Variants in TCF3 observed in about 807,000 individuals in gnomAD.
TCF3 encodes transcription factor E2-alpha.
A neutral mutation model predicts 72.3 loss-of-function variants in TCF3; 54 were observed. The ratio of observed to expected loss-of-function variants is 0.75; its 90% confidence interval spans 0.60 to 0.94. The LOEUF is 0.94. TCF3 is among the 40% of genes least tolerant of loss of function. The pLI, the probability that TCF3 is intolerant of heterozygous loss-of-function variation, is 0.00. For missense variants in TCF3, 1,078 were observed against 934.4 expected, an observed-to-expected ratio of 1.15 and a Z score of -2.00; for synonymous variants, 525 against 412.6, an observed-to-expected ratio of 1.27 and a Z score of -3.30.
In TCF3 at chr19:1,632,315, C is replaced by T; in HGVS notation, c.219+17G>A. On this transcript the variant is annotated intron_variant, in intron 4 of 18. Transcript: ENST00000262965. ...GGACAGGAAACTCAGGGTCTCAGGC[C>T]TCACGGGGACTCCTACCCGGCTGGG... The T allele has an allele frequency of 6.4e-7, 1 of 1,574,208 alleles. No homozygotes were observed. Among genetic ancestry groups the T allele is most frequent in the Non-Finnish European group, 8.6e-7 (1 of 1,159,568 alleles).
At position 1,615,670 on chromosome 19, in the gene TCF3, A is replaced by AGG. The variant is rs2061482925; in HGVS notation, c.1586+14_1586+15dup. The AGG allele has an allele frequency of 9.1e-7, 1 of 1,096,108 alleles. No individual in the cohort carries two copies. Among genetic ancestry groups the AGG allele is most frequent in the Non-Finnish European group, 1.3e-6 (1 of 779,642 alleles). 67.9% of individuals were successfully genotyped at this position (1,096,108 alleles called of 1,614,324 possible). On this transcript the variant is annotated intron_variant, in intron 17 of 18. Coordinates refer to ENST00000262965, the MANE Select transcript of TCF3 (RefSeq NM_003200.5). This position sits in a 1 kb window ranked among gnomAD's most constrained non-coding sequence, Gnocchi z 7.3. ...GATGGGGTGAGGGTGGGGAGTGCCG[A>AGG]GGGGTGGGTTGGCACCTGGTCCGGG...
At chr19:1,627,840 A>G (rs1292309343) in intron 5 of TCF3, among the ~76,000 whole-genome samples, 5 of 42,158 alleles carry the variant, frequency 1.2e-4, no homozygotes, top group African/African-American at 4.5e-4. Context: ...AGCAGAGCTC[A>G]CAGGGGGTGA....
rs796348718 is a variant in TCF3 at position 1,639,912 on chromosome 19, G to A, written c.145+6443C>T. Reference sequence around the variant, plus strand: ...AGCAAAAGGGGCCTGTGATCTGAAAGTCACCAAAAACTTTAGAAAGAGAAG... The same window carrying A: ...AGCAAAAGGGGCCTGTGATCTGAAAATCACCAAAAACTTTAGAAAGAGAAG... On this transcript the variant is annotated intron_variant, in intron 3 of 18. Transcript: ENST00000262965. Among the ~76,000 whole-genome samples the A allele has an allele frequency of 3.3e-5, 5 of 152,208 alleles. No individual in the cohort carries two copies. The South Asian group carries it at 1.0e-3, about 32-fold the overall frequency.
chr19:1,624,496 G>A (rs187721632), intron 7 of TCF3, among the ~76,000 whole-genome samples: 5 of 152,308 alleles, frequency 3.3e-5, no homozygotes, highest in Admixed American at 2.6e-4. Context: ...CCCGCGACGC[G>A]CAGTTTGGAA....
chr19:1,630,939 C>T (rs2063638759), intron 5 of TCF3, among the ~76,000 whole-genome samples: 1 of 152,364 alleles, frequency 6.6e-6, no homozygotes, highest in Admixed American at 6.5e-5. Flanking sequence ...GGGACACTGT[C>T]CCAGTCGCAG....
At position 1,615,660 on chromosome 19, in the gene TCF3, G is replaced by C; in HGVS notation, c.1586+26C>G. ...TGTGCGTCCTGATGGGGTGAGGGTG[G>C]GGAGTGCCGAGGGGTGGGTTGGCAC... On this transcript the variant is annotated intron_variant, in intron 17 of 18. Transcript: ENST00000262965. The surrounding 1 kb of genome is among the most constrained non-coding windows in gnomAD (Gnocchi z 7.3). 6.2e-7 allele frequency: 1 copy of C among 1,613,186 alleles called. No individual in the cohort carries two copies. The highest frequency in any genetic ancestry group is 8.5e-7 in the Non-Finnish European group (1 of 1,179,722).
intron 3 of TCF3, among the ~76,000 whole-genome samples, chr19:1,633,677 G>A (rs1176494499): frequency 6.6e-6 from 1 of 152,160 alleles, no homozygotes. Flanking sequence ...ATGTGATTAT[G>A]AGTGGGGGGC....
rs554439572 is a variant in TCF3, at chr19:1,611,373, G to GA, written c.*333dup. 0.024 allele frequency: 8,341 copies of GA among 344,710 alleles called. 18 individuals are homozygous for GA. Among genetic ancestry groups the GA allele is most frequent in the East Asian group, 0.047 (1,128 of 23,976 alleles). The allele number at this position is 344,710 out of a possible 1,614,324, so 21.4% of individuals were successfully genotyped here. A position where few individuals can be genotyped will look rare whatever the true frequency, so the allele number is the denominator to read the frequency against. ...GCTTGCTTTCAGGTTTTGTTTACTG[G>GA]AAAAAAAAAAAATGCTCCTGTCAGC... On this transcript the variant is annotated 3_prime_UTR_variant, in exon 19 of 19. Transcript: ENST00000262965.
At chr19:1,618,090 T>C (rs2061737395) in intron 16 of TCF3, among the ~76,000 whole-genome samples, 1 of 152,034 alleles carries the variant, frequency 6.6e-6, no homozygotes, top group African/African-American at 2.4e-5. Context: ...TCTGAGACAC[T>C]CAACAATCCC....
At chr19:1,627,227 G>T in intron 6 of TCF3, 132 bp downstream of exon 6, 2 of 176,654 alleles carry the variant, frequency 1.1e-5, no homozygotes, top group Non-Finnish European at 2.2e-5. Flanking sequence ...CCTGGCCCAA[G>T]CCCAGCCTGG....
chr19:1,652,552 T>C lies in TCF3; in HGVS notation c.-292A>G, dbSNP rs1233285161. Reference sequence around the variant, plus strand: ...CCGCGGTGCCCGCCGCCGCGTCGGCTCCGGCCCGCTACGCCCGCAGCCGCC... The same window carrying C: ...CCGCGGTGCCCGCCGCCGCGTCGGCCCCGGCCCGCTACGCCCGCAGCCGCC... On this transcript the variant is annotated 5_prime_UTR_variant, in exon 1 of 19. Coordinates refer to ENST00000262965, the MANE Select transcript of TCF3 (RefSeq NM_003200.5). The C allele has an allele frequency of 1.4e-5, 2 of 142,822 alleles. No homozygotes were observed. Among genetic ancestry groups the C allele is most frequent in the African/African-American group, 5.1e-5 (2 of 39,264 alleles). 8.8% of individuals were successfully genotyped at this position (142,822 alleles called of 1,614,324 possible).
chr19:1,609,389 T>C lies in TCF3; in HGVS notation c.*2318A>G. 1 of 203,926 alleles carries C rather than the reference T, an allele frequency of 4.9e-6. No homozygotes were observed. Among genetic ancestry groups the C allele is most frequent in the Non-Finnish European group, 1.0e-5 (1 of 99,564 alleles). 12.6% of individuals were successfully genotyped at this position (203,926 alleles called of 1,614,324 possible). A position where few individuals can be genotyped will look rare whatever the true frequency, so the allele number is the denominator to read the frequency against. On this transcript the variant is annotated 3_prime_UTR_variant, in exon 19 of 19. Coordinates refer to ENST00000262965, the MANE Select transcript of TCF3 (RefSeq NM_003200.5). ...GAGGGTCGTTTTAAAGTCCCAATCA[T>C]CCAGCCAGCTGTGTTGACACGTATA... is the stretch of plus-strand genomic sequence containing the variant.
chr19:1,636,237 G>A (rs1375663395), intron 3 of TCF3, among the ~76,000 whole-genome samples: 7 of 151,952 alleles, frequency 4.6e-5, no homozygotes. Flanking sequence ...TTGGCTCACT[G>A]CAACCTCCGC....
In TCF3 at chr19:1,627,525, T is replaced by C. The variant is rs1002010986; in HGVS notation, c.299-99A>G. 41 of 1,056,520 alleles carry C rather than the reference T, an allele frequency of 3.9e-5. No homozygotes were observed. In the Admixed American group the frequency reaches 4.5e-4, roughly 12 times the overall value. 65.4% of individuals were successfully genotyped at this position (1,056,520 alleles called of 1,614,324 possible). On this transcript the variant is annotated intron_variant, in intron 5 of 18. Coordinates refer to ENST00000262965, the MANE Select transcript of TCF3 (RefSeq NM_003200.5). ...GTGCCTACAATAGGCTCTCAGTAAGTGCACACGACTGAGAGCGCCACGGCA... is the reference window on the plus strand; with the variant it reads ...GTGCCTACAATAGGCTCTCAGTAAGCGCACACGACTGAGAGCGCCACGGCA...
chr19:1,620,443 A>G (rs1252190242), intron 13 of TCF3, among the ~76,000 whole-genome samples: 3 of 152,212 alleles, frequency 2.0e-5, no homozygotes, highest in Non-Finnish European at 4.4e-5. Context: ...CAGGGTAAAC[A>G]GTCAGTACCT....
chr19:1,633,985 G>A (rs2064059244), intron 3 of TCF3, among the ~76,000 whole-genome samples: 1 of 152,184 alleles, frequency 6.6e-6, no homozygotes, highest in Non-Finnish European at 1.5e-5. Flanking sequence ...TGAGCAAACG[G>A]GAGGCTCCTG....
intron 2 of TCF3, among the ~76,000 whole-genome samples, chr19:1,648,909 A>G (rs1294992180): frequency 6.6e-6 from 1 of 151,676 alleles, no homozygotes; most frequent in Non-Finnish European, 1.5e-5. Context: ...AACCCATAAC[A>G]CATGGCCCCA....
chr19:1,624,812 C>T (rs2062685491), intron 7 of TCF3, among the ~76,000 whole-genome samples: 1 of 152,180 alleles, frequency 6.6e-6, no homozygotes, highest in African/African-American at 2.4e-5. Flanking sequence ...TTCAGAGCCA[C>T]GATCTTTTAC....
At position 1,619,861 on chromosome 19, in the gene TCF3, G is replaced by A; in HGVS notation, c.1094-8C>T. On this transcript the variant is annotated splice_polypyrimidine_tract_variant and splice_region_variant and intron_variant, in intron 13 of 18. Transcript: ENST00000262965. ...GAGGCCACTGTGACGTTCCTGGAAG[G>A]GAGTGGGGACGTGAATGGGGTGCGA... The A allele has an allele frequency of 6.4e-7, 1 of 1,574,696 alleles. No individual in the cohort carries two copies. Among genetic ancestry groups the A allele is most frequent in the Non-Finnish European group, 8.6e-7 (1 of 1,160,904 alleles).
Sources: allele counts gnomAD v4.1 joint callset (sites outside exome capture counted in the v4.1 genomes callset), GRCh38; gene constraint gnomAD v4.1.1; non-coding constraint Gnocchi (gnomAD v3.1); transcripts MANE v1.5; gene names NCBI Gene and HGNC (gene_info 2026-07-23, HGNC 2026-07-21).